Variants in ZNF83 observed in about 807,000 individuals in gnomAD.
ZNF83 encodes the protein zinc finger protein 83, also known as zinc finger protein 816B.
For synonymous variants in ZNF83, 209 were observed against 213.0 expected (o/e 0.98, Z 0.17); for missense variants, 552 against 629.9 (o/e 0.88, Z 1.32).
At position 52,613,964 on chromosome 19, in the gene ZNF83, C is replaced by G. The variant is rs141690119; in HGVS notation, c.601G>C (p.Gly201Arg). The change falls in exon 3 of 3, where the codon GGA (glycine) becomes CGA (arginine). Residue 201 changes from glycine to arginine, a missense_variant. Coordinates refer to ENST00000301096, the Ensembl canonical transcript of ZNF83. ...TCATTACATTTATAAGGTTTCTCTC[C>G]GGTATGAATTCTTTGATGTTGTGCA... 30 of 1,613,444 alleles carry G rather than the reference C, an allele frequency of 1.9e-5. No individual in the cohort carries two copies. The East Asian group carries it at 6.5e-4, about 35-fold the overall frequency.
chr19:52,654,575 G>C (rs1241378877), intron 3 of ZNF83, among the ~76,000 whole-genome samples: 1 of 152,122 alleles, frequency 6.6e-6, no homozygotes. Flanking sequence ...AAATTAGCCA[G>C]GCATGGTGGT....
chr19:52,618,749 T>C (rs35068187), intron 2 of ZNF83: 480,743 of 1,116,846 alleles, frequency 0.43, 105,002 homozygotes, highest in African/African-American at 0.54. Flanking sequence ...TGAGCTATCA[T>C]GAAGAACGCA....
chr19:52,650,295 T>C (rs2061426773), intron 3 of ZNF83: 1 of 151,480 alleles, frequency 6.6e-6, no homozygotes, highest in Non-Finnish European at 1.5e-5. Context: ...TTGTTCTTGT[T>C]GCCCAGGATG....
At chr19:52,671,639 C>T (rs2147313161) in intron 1 of ZNF83, among the ~76,000 whole-genome samples, 1 of 152,174 alleles carries the variant, frequency 6.6e-6, no homozygotes, top group Admixed American at 6.5e-5. Context: ...GGGGTGGTCC[C>T]ACTATGATGC....
intron 2 of ZNF83, among the ~76,000 whole-genome samples, chr19:52,627,459 C>G (rs2060787231): frequency 6.6e-6 from 1 of 151,960 alleles, no homozygotes. Flanking sequence ...GTCAGGAATT[C>G]AAGACCAGCC....
chr19:52,677,491 G>A (rs142751793), intron 1 of ZNF83, among the ~76,000 whole-genome samples: 98 of 150,418 alleles, frequency 6.5e-4, no homozygotes, highest in African/African-American at 2.3e-3. Flanking sequence ...GTCTCAAAAA[G>A]AAAAAAAGAA....
At chr19:52,642,157 C>A (rs904347381), upstream of ZNF83, among the ~76,000 whole-genome samples, 1 of 151,952 alleles carries the variant, frequency 6.6e-6, no homozygotes, top group Non-Finnish European at 1.5e-5. Flanking sequence ...CTGTCCCACA[C>A]CTGTGCAGAT....
chr19:52,652,983 T>C, intron 3 of ZNF83: 1 of 1,347,000 alleles, frequency 7.4e-7, no homozygotes, highest in Non-Finnish European at 1.1e-6. Context: ...ACCTGTAAGG[T>C]TTCTCTCCAG....
At chr19:52,622,306 C>T (rs571253430) in intron 2 of ZNF83, among the ~76,000 whole-genome samples, 15 of 152,308 alleles carry the variant, frequency 9.8e-5, no homozygotes, top group Non-Finnish European at 1.9e-4. Context: ...GGCCCCTTCT[C>T]GTGAGACACC....
chr19:52,633,164 C>T (rs1394666535), intron 2 of ZNF83, among the ~76,000 whole-genome samples: 2 of 152,146 alleles, frequency 1.3e-5, no homozygotes, highest in African/African-American at 2.4e-5. Context: ...CTTCTCCTGG[C>T]TCATCCTGGC....
At chr19:52,647,975 C>T (rs995373732) in intron 3 of ZNF83, among the ~76,000 whole-genome samples, 2 of 151,550 alleles carry the variant, frequency 1.3e-5, no homozygotes, top group African/African-American at 4.8e-5. Context: ...CTCTGTTCTC[C>T]TTGCCACCAG....
intron 2 of ZNF83, among the ~76,000 whole-genome samples, chr19:52,629,179 A>G (rs1460298179): frequency 6.6e-6 from 1 of 152,176 alleles, no homozygotes; most frequent in Non-Finnish European, 1.5e-5. Context: ...CAGTAGTTCC[A>G]AATAGCCAGA....
intron 1 of ZNF83, 96 bp from the exon 2 acceptor site, chr19:52,635,249 A>C: frequency 2.1e-6 from 1 of 484,658 alleles, no homozygotes; most frequent in Admixed American, 3.5e-5. Flanking sequence ...CCCTGAGGAA[A>C]TATGGTCCCC....
exon 3 of ZNF83, chr19:52,612,525 A>G (rs537240795): frequency 1.3e-5 from 2 of 158,878 alleles, no homozygotes; most frequent in African/African-American, 2.4e-5. Flanking sequence ...AAGCTTAAGC[A>G]TGCACGTTAC....
rs1459254059 is a variant in ZNF83, at chr19:52,655,466, TG to T, written c.-74+94del. ...AACAATGACATGTACATCAAAAGCA[TG>T]TATGCGGCAAAATCACAAAAGAGAA... On this transcript the variant is annotated intron_variant, in intron 3 of 5. Transcript: ENST00000594682. The T allele has an allele frequency of 1.6e-5, 19 of 1,159,460 alleles. No individual in the cohort carries two copies. The African/African-American group carries it at 2.3e-4, about 14-fold the overall frequency. 71.8% of individuals were successfully genotyped at this position (1,159,460 alleles called of 1,614,324 possible). A position where few individuals can be genotyped will look rare whatever the true frequency, so the allele number is the denominator to read the frequency against.
At chr19:52,673,883 G>C in intron 1 of ZNF83, among the ~76,000 whole-genome samples, 1 of 151,376 alleles carries the variant, frequency 6.6e-6, no homozygotes, top group East Asian at 1.9e-4. Flanking sequence ...GGGCCTGGTG[G>C]TGTGTGCCTG....
exon 3 of ZNF83, chr19:52,614,060 T>C (rs1164222277): frequency 1.9e-6 from 3 of 1,613,082 alleles, no homozygotes; most frequent in African/African-American, 1.3e-5. Flanking sequence ...GTATGAATCC[T>C]GCGATGCTGT....
intron 2 of ZNF83, among the ~76,000 whole-genome samples, chr19:52,616,520 T>A (rs1205559312): frequency 2.0e-5 from 3 of 152,284 alleles, no homozygotes; most frequent in South Asian, 4.1e-4. Context: ...GTGGCACATA[T>A]ACTGCATGGA....
At chr19:52,655,849 TTG>T (rs752105429) in intron 2 of ZNF83, among the ~76,000 whole-genome samples, 17 of 152,234 alleles carry the variant, frequency 1.1e-4, no homozygotes, top group Non-Finnish European at 7.3e-5. Flanking sequence ...TTGCATTTTA[TTG>T]TACTTTCCCA....
Sources: gnomAD v4.1 joint callset for allele counts (sites outside exome capture counted in the v4.1 genomes callset) on GRCh38, gnomAD v4.1.1 for gene constraint, MANE v1.5 for transcripts, NCBI Gene and HGNC (gene_info 2026-07-23, HGNC 2026-07-21) for gene names.